The following KRTAP4-6 variants were observed in gnomAD, a reference collection of about 807,000 sequenced individuals.
KRTAP4-6 encodes the protein keratin associated protein 4-6.
KRTAP4-6 carries 1 observed loss-of-function variant against 3.6 expected under a neutral mutation model. The ratio of observed to expected loss-of-function variants is 0.28; its 90% CI spans 0.10 to 1.32. KRTAP4-6 has a LOEUF of 1.32. Among genes scored for constraint, KRTAP4-6 ranks in the 40% most tolerant of loss-of-function variants. The pLI, the probability that KRTAP4-6 is intolerant of heterozygous loss-of-function variation, is 0.45. For synonymous variants in KRTAP4-6, 97 were observed against 96.7 expected (o/e 1.00, Z -0.02); for missense variants, 275 against 280.3 (o/e 0.98, Z 0.14).
chr17:41,139,852 T>G, exon 1 of KRTAP4-6: 2 of 1,559,716 alleles, frequency 1.3e-6, no homozygotes, highest in South Asian at 2.4e-5. Flanking sequence ...GGGGAGGAGA[T>G]AGTTTCAGGC....
At chr17:41,140,210 T>C in exon 1 of KRTAP4-6, 1 of 1,581,458 alleles carries the variant, frequency 6.3e-7, no homozygotes, top group Non-Finnish European at 8.6e-7. Flanking sequence ...CTGGCAGCAC[T>C]GGGGTCTGCA....
exon 1 of KRTAP4-6, chr17:41,139,619 A>G (rs917101943): frequency 4.8e-6 from 3 of 626,022 alleles, no homozygotes; most frequent in African/African-American, 1.8e-5. Context: ...ATCCATAAAT[A>G]CAAATATAAG....
At chr17:41,140,077 T>C in exon 1 of KRTAP4-6, 1 of 1,541,020 alleles carries the variant, frequency 6.5e-7, no homozygotes, top group Non-Finnish European at 8.8e-7. Flanking sequence ...GGCAGCAGGT[T>C]GGCTGGCAGC....
chr17:41,139,458 T>A (rs996124526), exon 1 of KRTAP4-6: 15 of 204,556 alleles, frequency 7.3e-5, no homozygotes, highest in South Asian at 4.5e-4. Flanking sequence ...AAAGTGGAGT[T>A]TTATTCAGAA....
At chr17:41,140,066 C>A (rs554116063) in exon 1 of KRTAP4-6, 41 of 1,602,090 alleles carry the variant, frequency 2.6e-5, no homozygotes, top group Non-Finnish European at 3.4e-5. Flanking sequence ...GCAGCTGGGA[C>A]GGCAGCAGGT....
exon 1 of KRTAP4-6, chr17:41,139,605 T>G (rs1432551317): frequency 1.7e-6 from 1 of 573,380 alleles, no homozygotes; most frequent in Non-Finnish European, 3.0e-6. Flanking sequence ...CAGAAGAACT[T>G]GGTATCCATA....
rs773646158 is a variant in KRTAP4-6 at position 41,139,850 on chromosome 17, G to C, written c.*20C>G. On this transcript the variant is annotated 3_prime_UTR_variant, in exon 1 of 1. Coordinates refer to ENST00000345847, the Ensembl canonical transcript of KRTAP4-6. ...GTGAGGAGTGAGCTGAAGGGGAGGA[G>C]ATAGTTTCAGGCAAGGAGCTCAGCA... 5 of 1,558,736 alleles carry C rather than the reference G, an allele frequency of 3.2e-6. No homozygotes were observed. In the Admixed American group the frequency reaches 7.8e-5, roughly 24 times the overall value.
exon 1 of KRTAP4-6, chr17:41,140,165 C>G (rs751479603): frequency 3.2e-5 from 48 of 1,483,028 alleles, no homozygotes; most frequent in Middle Eastern, 1.9e-4. Context: ...GATGCTGCAG[C>G]TGGGACGGCA....
exon 1 of KRTAP4-6, chr17:41,140,251 G>A (rs1796728031): frequency 1.9e-6 from 3 of 1,592,208 alleles, no homozygotes; most frequent in Non-Finnish European, 2.6e-6. Flanking sequence ...TAGGGCGGCA[G>A]CAGGTGGTCC....
At chr17:41,140,317 C>T in exon 1 of KRTAP4-6, 1 of 1,608,428 alleles carries the variant, frequency 6.2e-7, no homozygotes, top group South Asian at 1.1e-5. Context: ...AGCAGGTGGG[C>T]TGGCAGCACA....
exon 1 of KRTAP4-6, chr17:41,139,842 G>A: frequency 1.9e-6 from 3 of 1,553,008 alleles, no homozygotes; most frequent in Non-Finnish European, 1.7e-6. Flanking sequence ...GTGAGCTGAA[G>A]GGGAGGAGAT....
exon 1 of KRTAP4-6, chr17:41,140,025 A>G (rs2143952034): frequency 1.2e-6 from 2 of 1,604,730 alleles, no homozygotes; most frequent in Non-Finnish European, 1.7e-6. Context: ...CTGGATTCAC[A>G]GCAAGAGGGG....
At chr17:41,140,527 AGTGAGTTTC>A, upstream of KRTAP4-6, 1 of 1,574,024 alleles carries the variant, frequency 6.4e-7, no homozygotes, top group South Asian at 1.2e-5. Flanking sequence ...TTTCCAAGAG[AGTGAGTTTC>A]GTGAGTTTGG....
At chr17:41,140,530 G>C (rs768679873), upstream of KRTAP4-6, 1 of 1,566,606 alleles carries the variant, frequency 6.4e-7, no homozygotes, top group South Asian at 1.2e-5. Flanking sequence ...CCAAGAGAGT[G>C]AGTTTCGTGA....
chr17:41,139,465 A>G (rs2014659789), exon 1 of KRTAP4-6: 1 of 214,698 alleles, frequency 4.7e-6, no homozygotes, highest in African/African-American at 2.3e-5. Flanking sequence ...AGTTTTATTC[A>G]GAAGCAGCAA....
chr17:41,139,708 T>G, exon 1 of KRTAP4-6: 1 of 1,067,750 alleles, frequency 9.4e-7, no homozygotes, highest in Non-Finnish European at 1.3e-6. Flanking sequence ...ATGGGGAACA[T>G]ATATTCTAGA....
At chr17:41,140,246 C>A in exon 1 of KRTAP4-6, 1 of 1,592,372 alleles carries the variant, frequency 6.3e-7, no homozygotes, top group Non-Finnish European at 8.6e-7. Flanking sequence ...GCAGCTAGGG[C>A]GGCAGCAGGT....
chr17:41,139,652 T>C, exon 1 of KRTAP4-6: 2 of 769,614 alleles, frequency 2.6e-6, no homozygotes, highest in Non-Finnish European at 4.1e-6. Flanking sequence ...GTAAATTCTA[T>C]TAATTTCTTT....
chr17:41,140,392 C>T (rs1389592485), exon 1 of KRTAP4-6: 6 of 1,613,330 alleles, frequency 3.7e-6, no homozygotes, highest in Non-Finnish European at 5.1e-6. Flanking sequence ...AGCAGGTGGT[C>T]CTGCAGCAGG....
Sources: allele counts gnomAD v4.1 joint callset, GRCh38; gene constraint gnomAD v4.1.1; transcripts MANE v1.5; gene names NCBI Gene and HGNC (gene_info 2026-07-23, HGNC 2026-07-21).